The following DCAF7 variants were observed in gnomAD, a reference collection of about 807,000 sequenced individuals.
The protein encoded by DCAF7 is DDB1 and CUL4 associated factor 7.
DCAF7 carries 4 observed loss-of-function variants against 41.2 expected under a neutral mutation model. The ratio of observed to expected loss-of-function variants is 0.10; its 90% confidence interval spans 0.05 to 0.22. The LOEUF (loss-of-function observed/expected upper bound fraction) is 0.22, where lower values mean the gene tolerates loss of function less well. DCAF7 is among the 10% of genes least tolerant of loss of function. The pLI, the probability that DCAF7 is intolerant of heterozygous loss-of-function variation, is 1.00. For synonymous variants in DCAF7, 143 were observed against 164.2 expected, an observed-to-expected ratio of 0.87 and a Z score of 0.99; for missense variants, 131 against 443.2, an observed-to-expected ratio of 0.30 and a Z score of 6.32.
chr17:63,566,756 G>T (rs958866660), intron 1 of DCAF7, among the ~76,000 whole-genome samples: 1 of 152,076 alleles, frequency 6.6e-6, no homozygotes, highest in East Asian at 1.9e-4. Flanking sequence ...TCAAAAATTA[G>T]CTAGGTGTGG....
In DCAF7 at chr17:63,586,125, CAAAAA is replaced by C. The variant is rs545840925; in HGVS notation, c.856+817_856+821del. Among the ~76,000 whole-genome samples, 17 of 58,452 alleles carry C rather than the reference CAAAAA, an allele frequency of 2.9e-4. No homozygotes were observed. In the South Asian group the frequency reaches 8.8e-3, roughly 30 times the overall value. 38.3% of individuals were successfully genotyped at this position (58,452 alleles called of 152,430 possible). A position where few individuals can be genotyped will look rare whatever the true frequency, so the allele number is the denominator to read the frequency against. Reference sequence around the variant, plus strand: ...GGGCAACAGAGCAAGACTCTGTCTCCAAAAAAAAAAAAAAAAAAAAAAAAGTACCC... The same window carrying C: ...GGGCAACAGAGCAAGACTCTGTCTCCAAAAAAAAAAAAAAAAAAAGTACCC... On this transcript the variant is annotated intron_variant, in intron 6 of 6. Transcript: ENST00000614556.
At chr17:63,558,833 A>C (rs550515360) in intron 1 of DCAF7, among the ~76,000 whole-genome samples, 1 of 152,218 alleles carries the variant, frequency 6.6e-6, no homozygotes, top group Non-Finnish European at 1.5e-5. Context: ...TTTTACAAAC[A>C]TGCACACATT....
intron 1 of DCAF7, among the ~76,000 whole-genome samples, chr17:63,567,401 G>A (rs577382741): frequency 2.0e-5 from 3 of 152,352 alleles, no homozygotes; most frequent in Non-Finnish European, 4.4e-5. Context: ...CAGTTTGGCT[G>A]AGGCTAAAAC....
At chr17:63,554,992 G>T (rs967146687) in intron 1 of DCAF7, among the ~76,000 whole-genome samples, 2 of 152,160 alleles carry the variant, frequency 1.3e-5, no homozygotes, top group African/African-American at 2.4e-5. Flanking sequence ...CTTATAGTCA[G>T]ACTCCAAGTA....
intron 1 of DCAF7, among the ~76,000 whole-genome samples, chr17:63,566,975 T>C (rs890947573): frequency 4.5e-4 from 68 of 152,186 alleles, no homozygotes; most frequent in Non-Finnish European, 4.4e-5. Flanking sequence ...TCTTTCTTTC[T>C]TTCTTTTTTA....
At chr17:63,564,967 A>G (rs145688283) in intron 1 of DCAF7, among the ~76,000 whole-genome samples, 37 of 152,364 alleles carry the variant, frequency 2.4e-4, no homozygotes, top group Non-Finnish European at 3.4e-4. Flanking sequence ...TTGTAACAGT[A>G]CAGTCACGAA....
At chr17:63,563,222 A>G (rs1003781178) in intron 1 of DCAF7, among the ~76,000 whole-genome samples, 3 of 152,238 alleles carry the variant, frequency 2.0e-5, no homozygotes, top group Admixed American at 6.5e-5. Context: ...TTCATAGGAG[A>G]GGAAATGCAA....
chr17:63,564,643 G>C lies in DCAF7; in HGVS notation c.139-13827G>C, dbSNP rs548608379. 3.9e-5 allele frequency among the ~76,000 whole-genome samples: 6 copies of C among 152,330 alleles called. No homozygotes were observed. In the South Asian group the frequency reaches 1.2e-3, roughly 32 times the overall value. On this transcript the variant is annotated intron_variant, in intron 1 of 6. Coordinates refer to ENST00000614556, the MANE Select transcript of DCAF7 (RefSeq NM_005828.5). ...TTCAGAGAAACTGGAGCGGAGGATG[G>C]TCAGGCCCATTCTGAGGAGGCCAAT...
intron 1 of DCAF7, among the ~76,000 whole-genome samples, chr17:63,571,429 C>T (rs1442976947): frequency 6.6e-6 from 1 of 151,868 alleles, no homozygotes; most frequent in Non-Finnish European, 1.5e-5. Context: ...TAAATTACTT[C>T]TGTAATGCTT....
Position 63,590,452 on chromosome 17 carries a change from A to G in DCAF7, c.*1280A>G, listed in dbSNP as rs896407983. Reference sequence around the variant, plus strand: ...GAATTATAGACCCCCAGGGTCAGCCAGTTAAGAGCTCTACCCACACCTGTC... The same window carrying G: ...GAATTATAGACCCCCAGGGTCAGCCGGTTAAGAGCTCTACCCACACCTGTC... On this transcript the variant is annotated 3_prime_UTR_variant, in exon 7 of 7. Transcript: ENST00000614556. 1 of 152,764 alleles carries G rather than the reference A, an allele frequency of 6.5e-6. No homozygotes were observed. The highest frequency in any genetic ancestry group is 2.4e-5 in the African/African-American group (1 of 41,464). The allele number at this position is 152,764 out of a possible 1,614,324, so 9.5% of individuals were successfully genotyped here. A position where few individuals can be genotyped will look rare whatever the true frequency, so the allele number is the denominator to read the frequency against.
intron 1 of DCAF7, among the ~76,000 whole-genome samples, chr17:63,558,942 TAAAC>T (rs1305891139): frequency 6.6e-6 from 1 of 152,148 alleles, no homozygotes; most frequent in Admixed American, 6.6e-5. Flanking sequence ...AACTGATGTA[TAAAC>T]AGAGTCTAGA....
intron 6 of DCAF7, among the ~76,000 whole-genome samples, 163 bp downstream of exon 6, chr17:63,585,491 A>G (rs757964050): frequency 3.9e-5 from 6 of 152,196 alleles, no homozygotes; most frequent in Non-Finnish European, 8.8e-5. Context: ...AATCAGTACA[A>G]ATTTTTAGAC....
intron 1 of DCAF7, among the ~76,000 whole-genome samples, chr17:63,564,760 G>C (rs537271449): frequency 1.3e-5 from 2 of 152,316 alleles, no homozygotes; most frequent in South Asian, 4.1e-4. Flanking sequence ...CACCTGTCTC[G>C]GGCTTCAGCC....
chr17:63,559,383 A>ATATG (rs2033350529), intron 1 of DCAF7, among the ~76,000 whole-genome samples: 1 of 53,290 alleles, frequency 1.9e-5, no homozygotes, highest in African/African-American at 7.1e-5. Flanking sequence ...ATGTGTATAT[A>ATATG]TATGTATATA....
rs751126929 is a variant in DCAF7, at chr17:63,550,842, A to AG, written c.138+28dup. The AG allele has an allele frequency of 5.6e-6, 9 of 1,607,626 alleles. No homozygotes were observed. Among genetic ancestry groups the AG allele is most frequent in the Non-Finnish European group, 6.8e-6 (8 of 1,176,790 alleles). ...TGGGCCGGGCAGGGGCTCGGAACCC[A>AG]GCTGGCGGGGAGCGGGCCCCGGGAG... On this transcript the variant is annotated intron_variant, in intron 1 of 6. Transcript: ENST00000614556. The surrounding 1 kb of genome is among the most constrained non-coding windows in gnomAD (Gnocchi z 4.8).
chr17:63,570,597 G>A (rs1340889642), intron 1 of DCAF7, among the ~76,000 whole-genome samples: 1 of 152,132 alleles, frequency 6.6e-6, no homozygotes, highest in African/African-American at 2.4e-5. Flanking sequence ...TGCATAGTTA[G>A]GTGGTAAGAG....
rs2033761997 is a variant in DCAF7, at chr17:63,594,214, A to G, written c.*5042A>G. On this transcript the variant is annotated 3_prime_UTR_variant, in exon 7 of 7. Coordinates refer to ENST00000614556, the MANE Select transcript of DCAF7 (RefSeq NM_005828.5). ...TCATTCTGTTTCAGCCTCCTGTATAAGAAGTACCGTATTTTCTGCCCATCA... is the reference window on the plus strand; with the variant it reads ...TCATTCTGTTTCAGCCTCCTGTATAGGAAGTACCGTATTTTCTGCCCATCA... 1 of 152,608 alleles carries G rather than the reference A, an allele frequency of 6.6e-6. No individual in the cohort carries two copies. Among genetic ancestry groups the G allele is most frequent in the South Asian group, 2.1e-4 (1 of 4,828 alleles). The allele number at this position is 152,608 out of a possible 1,614,324, so 9.5% of individuals were successfully genotyped here. A position where few individuals can be genotyped will look rare whatever the true frequency, so the allele number is the denominator to read the frequency against.
At chr17:63,577,353 T>G (rs951143726) in intron 1 of DCAF7, among the ~76,000 whole-genome samples, 11 of 152,194 alleles carry the variant, frequency 7.2e-5, no homozygotes, top group African/African-American at 2.7e-4. Context: ...GAAGGAATTT[T>G]ATTTTGTGTT....
chr17:63,565,573 AT>A (rs760233944), intron 1 of DCAF7, among the ~76,000 whole-genome samples: 1 of 152,050 alleles, frequency 6.6e-6, no homozygotes, highest in Non-Finnish European at 1.5e-5. Flanking sequence ...TCTCAAAAAA[AT>A]AATAAATAAT....
Sources: gnomAD v4.1 joint callset for allele counts (sites outside exome capture counted in the v4.1 genomes callset) on GRCh38, gnomAD v4.1.1 for gene constraint, Gnocchi (gnomAD v3.1) non-coding constraint, MANE v1.5 for transcripts, NCBI Gene and HGNC (gene_info 2026-07-23, HGNC 2026-07-21) for gene names.